FARP1: variants seen among roughly 807,000 people sequenced by gnomAD.
FARP1 encodes FERM, ARHGEF and pleckstrin domain-containing protein 1.
In FARP1, 52 loss-of-function variants were observed where a neutral mutation model predicts 128.8. The observed-to-expected ratio is 0.40, with a 90% confidence interval of 0.32 to 0.51. FARP1 has a LOEUF of 0.51. FARP1 is among the 20% of genes least tolerant of loss of function. The pLI is 0.45. For missense variants in FARP1, 1,333 were observed against 1,367.9 expected (o/e 0.97, Z 0.40); for synonymous variants, 580 against 551.8 (o/e 1.05, Z -0.72).
intron 11 of FARP1, among the ~76,000 whole-genome samples, chr13:98,391,593 A>G (rs942493300): frequency 2.8e-4 from 42 of 152,140 alleles, no homozygotes; most frequent in African/African-American, 9.4e-4. Context: ...TATTATTATT[A>G]TTGTTGTTGG....
intron 2 of FARP1, among the ~76,000 whole-genome samples, chr13:98,305,021 CAA>C (rs1057281280): frequency 1.3e-5 from 2 of 150,950 alleles, no homozygotes; most frequent in Non-Finnish European, 3.0e-5. Flanking sequence ...ATGCTTTTAG[CAA>C]GAGAGAGAGA....
intron 1 of FARP1, among the ~76,000 whole-genome samples, chr13:98,201,944 T>C (rs1879980069): frequency 6.6e-6 from 1 of 152,236 alleles, no homozygotes; most frequent in African/African-American, 2.4e-5. Flanking sequence ...GTTCCTCCTC[T>C]GTTTGAAGTG....
chr13:98,229,948 G>A (rs1258001513), intron 2 of FARP1, among the ~76,000 whole-genome samples: 1 of 152,150 alleles, frequency 6.6e-6, no homozygotes, highest in Admixed American at 6.6e-5. Flanking sequence ...TATTGTATGA[G>A]TGTTGAAGAA....
chr13:98,439,939 C>T (rs1194051470), intron 21 of FARP1, 22 bp from the exon 22 acceptor site: 16 of 1,513,592 alleles, frequency 1.1e-5, no homozygotes, highest in African/African-American at 6.9e-5. Context: ...CTCATGGTGA[C>T]GTTATCTTCT....
rs58097403 is a variant in FARP1 at position 98,278,172 on chromosome 13, A to AGTGT, written c.171+64774_171+64777dup. Among the ~76,000 whole-genome samples, 759 of 149,962 alleles carry AGTGT rather than the reference A, an allele frequency of 5.1e-3. 14 individuals carry two copies. Among genetic ancestry groups the AGTGT allele is most frequent in the East Asian group, 0.022 (114 of 5,100 alleles). On this transcript the variant is annotated intron_variant, in intron 2 of 26. Coordinates refer to ENST00000319562, the MANE Select transcript of FARP1 (RefSeq NM_005766.4). ...TCCAGGGTGTGTGTATGAGTGAGTG[A>AGTGT]GTGTGTGTGTGTGTGTGTATGTTCT...
intron 1 of FARP1, among the ~76,000 whole-genome samples, chr13:98,202,544 A>T (rs963285608): frequency 6.6e-6 from 1 of 152,088 alleles, no homozygotes; most frequent in Non-Finnish European, 1.5e-5. Flanking sequence ...TCTTGCAAAA[A>T]GTTTCTCTTC....
In FARP1 at chr13:98,451,176, G is replaced by A. The variant is rs1239178435; in HGVS notation, c.*2859G>A. On this transcript the variant is annotated 3_prime_UTR_variant, in exon 27 of 27. Coordinates refer to ENST00000319562, the MANE Select transcript of FARP1 (RefSeq NM_005766.4). ...TAAATCTGAAGAACTCTGTAAATCAGAAAAGCTGCTGTCCGCCCTGGCTCA... is the reference window on the plus strand; with the variant it reads ...TAAATCTGAAGAACTCTGTAAATCAAAAAAGCTGCTGTCCGCCCTGGCTCA... 1 of 152,188 alleles carries A rather than the reference G, an allele frequency of 6.6e-6. No homozygotes were observed. The highest frequency in any genetic ancestry group is 1.5e-5 in the Non-Finnish European group (1 of 68,058). 9.4% of individuals were successfully genotyped at this position (152,188 alleles called of 1,614,324 possible). A position where few individuals can be genotyped will look rare whatever the true frequency, so the allele number is the denominator to read the frequency against.
chr13:98,383,106 C>T (rs1271625233), intron 6 of FARP1, among the ~76,000 whole-genome samples: 4 of 152,176 alleles, frequency 2.6e-5, no homozygotes, highest in African/African-American at 9.7e-5. Flanking sequence ...AGAAATGATT[C>T]AGGAATGGCT....
chr13:98,318,902 A>ATGTCTTCAT (rs1886861288), intron 2 of FARP1, among the ~76,000 whole-genome samples: 1 of 144,090 alleles, frequency 6.9e-6, no homozygotes, highest in Admixed American at 6.9e-5. Context: ...CAAGACATAT[A>ATGTCTTCAT]TGTCTTCATA....
At chr13:98,179,931 C>T (rs1442893066) in intron 1 of FARP1, among the ~76,000 whole-genome samples, 3 of 152,094 alleles carry the variant, frequency 2.0e-5, no homozygotes, top group African/African-American at 7.2e-5. Flanking sequence ...TGATTCCCAC[C>T]TTTGGTTGTT....
chr13:98,395,963 G>A (rs1594486310), intron 13 of FARP1: 2 of 399,216 alleles, frequency 5.0e-6, no homozygotes, highest in East Asian at 7.1e-5. Flanking sequence ...CATAGAGAGG[G>A]GAGTATGGGA....
intron 2 of FARP1, among the ~76,000 whole-genome samples, chr13:98,216,988 CTT>C (rs1396596817): frequency 1.3e-5 from 2 of 152,206 alleles, no homozygotes; most frequent in African/African-American, 2.4e-5. Flanking sequence ...CAGAGTGACT[CTT>C]GGGCATCTGA....
At chr13:98,259,947 C>T (rs1358169950) in intron 2 of FARP1, among the ~76,000 whole-genome samples, 1 of 143,874 alleles carries the variant, frequency 7.0e-6, no homozygotes, top group Non-Finnish European at 1.5e-5. Context: ...GGCAGTTACC[C>T]TCTGAGCCTC....
chr13:98,248,548 T>TTA (rs1402843449), intron 2 of FARP1, among the ~76,000 whole-genome samples: 3 of 152,218 alleles, frequency 2.0e-5, no homozygotes, highest in Non-Finnish European at 4.4e-5. Flanking sequence ...TGCTGAGTCC[T>TTA]TACCACACTG....
chr13:98,378,488 G>A (rs939034722), intron 6 of FARP1, among the ~76,000 whole-genome samples: 2 of 152,094 alleles, frequency 1.3e-5, no homozygotes, highest in African/African-American at 4.8e-5. Flanking sequence ...CTTGACCAAG[G>A]CAGAAATTAC....
intron 2 of FARP1, among the ~76,000 whole-genome samples, chr13:98,220,107 G>T (rs189501058): frequency 6.6e-6 from 1 of 152,136 alleles, no homozygotes; most frequent in East Asian, 1.9e-4. Context: ...AAGGTCTTGA[G>T]GGGGCGGGGT....
chr13:98,318,527 G>T (rs1038188160), intron 2 of FARP1, among the ~76,000 whole-genome samples: 7 of 152,230 alleles, frequency 4.6e-5, no homozygotes, highest in Non-Finnish European at 1.0e-4. Flanking sequence ...TGTCAAAGCT[G>T]CCATCTCACT....
chr13:98,218,064 C>A (rs145023388), intron 2 of FARP1, among the ~76,000 whole-genome samples: 1 of 152,122 alleles, frequency 6.6e-6, no homozygotes, highest in Admixed American at 6.5e-5. Flanking sequence ...GTGAGATTCG[C>A]GGACTTCCTC....
Position 98,440,759 on chromosome 13 carries a change from C to G in FARP1, c.2719C>G (p.Arg907Gly). 6 of 1,613,350 alleles carry G rather than the reference C, an allele frequency of 3.7e-6. No homozygotes were observed. The highest frequency in any genetic ancestry group is 4.2e-6 in the Non-Finnish European group (5 of 1,179,968). The change falls in exon 24 of 27, where the codon CGC (arginine) becomes GGC (glycine). Residue 907 changes from arginine (R) to glycine (G), a missense_variant. By Grantham distance (125) the Arg-to-Gly change is moderately radical. Transcript: ENST00000319562. ...RTSLERQAPH[R>G]GNTMVHVCWH... is the part of the protein sequence containing the mutation. The stretch of plus-strand genomic sequence containing the variant: ...ATCGCTGGAGCGCCAGGCCCCGCAC[C>G]GCGGCAACACAATGGTGCACGTGTG...
Sources: gnomAD v4.1 joint callset for allele counts (sites outside exome capture counted in the v4.1 genomes callset) on GRCh38, gnomAD v4.1.1 for gene constraint, MANE v1.5 for transcripts, NCBI Gene and HGNC (gene_info 2026-07-23, HGNC 2026-07-21) for gene names.